The following STK32B variants were observed in gnomAD, a reference collection of about 807,000 sequenced individuals.
The protein encoded by STK32B is serine/threonine-protein kinase 32B.
STK32B carries 43 observed loss-of-function variants against 52.6 expected under a neutral mutation model. The observed-to-expected ratio is 0.82, with a 90% CI of 0.64 to 1.05. STK32B has a LOEUF of 1.05. STK32B is among the 50% of genes least tolerant of loss of function. The pLI is 0.00. For missense variants in STK32B, 621 were observed against 534.6 expected (o/e 1.16, Z -1.59); for synonymous variants, 238 against 204.3 (o/e 1.17, Z -1.41).
At chr4:5,369,568 T>C (rs542784806) in intron 4 of STK32B, among the ~76,000 whole-genome samples, 1 of 152,274 alleles carries the variant, frequency 6.6e-6, no homozygotes, top group Non-Finnish European at 1.5e-5. Context: ...CTCTCTTGGC[T>C]TCAGAAGGTG....
At chr4:5,113,228 C>G (rs1275988991) in intron 1 of STK32B, among the ~76,000 whole-genome samples, 3 of 152,160 alleles carry the variant, frequency 2.0e-5, no homozygotes, top group African/African-American at 4.8e-5. Context: ...GACCCCTCGT[C>G]TCTTTCACCA....
intron 3 of STK32B, among the ~76,000 whole-genome samples, chr4:5,173,596 C>G (rs1490242958): frequency 6.6e-6 from 1 of 152,120 alleles, no homozygotes; most frequent in East Asian, 1.9e-4. Flanking sequence ...TGTTAAGTTT[C>G]CATGTAGTTG....
intron 1 of STK32B, 183 bp from the exon 2 acceptor site, chr4:5,139,722 G>A (rs1019468555): frequency 1.1e-5 from 7 of 611,414 alleles, no homozygotes; most frequent in East Asian, 2.8e-5. Context: ...TGTGTGCTGG[G>A]GAAAAAATGG....
chr4:5,309,325 C>T (rs956685107), intron 3 of STK32B, among the ~76,000 whole-genome samples: 1 of 151,610 alleles, frequency 6.6e-6, no homozygotes, highest in African/African-American at 2.4e-5. Flanking sequence ...CAAAAAGTGA[C>T]CTACAATGGA....
chr4:5,346,679 T>C (rs1733478160), intron 4 of STK32B, among the ~76,000 whole-genome samples: 1 of 152,196 alleles, frequency 6.6e-6, no homozygotes, highest in Non-Finnish European at 1.5e-5. Flanking sequence ...CTGGACATGA[T>C]TTTGCTACTC....
At position 5,278,055 on chromosome 4, in the gene STK32B, T is replaced by G. The variant is rs146120004; in HGVS notation, c.261-53165T>G. On this transcript the variant is annotated intron_variant, in intron 3 of 11. Coordinates refer to ENST00000282908, the MANE Select transcript of STK32B (RefSeq NM_018401.3). ...ATCAAGAAGCCACACTTTGTTGTAC[T>G]TATCATTGGCAGATGAGGTGACTCA... 3.4e-3 allele frequency among the ~76,000 whole-genome samples: 523 copies of G among 152,314 alleles called. 1 individual carries two copies. The highest frequency in any genetic ancestry group is 0.012 in the African/African-American group (502 of 41,576).
chr4:5,086,617 G>T (rs1712746762), intron 1 of STK32B, among the ~76,000 whole-genome samples: 1 of 152,112 alleles, frequency 6.6e-6, no homozygotes, highest in African/African-American at 2.4e-5. Flanking sequence ...AAGAAGCTCA[G>T]TGAATCCCTA....
At chr4:5,442,354 T>C (rs1714867751) in intron 6 of STK32B, among the ~76,000 whole-genome samples, 1 of 152,212 alleles carries the variant, frequency 6.6e-6, no homozygotes. Context: ...TTTACCATTA[T>C]GTAATGGTCT....
At chr4:5,188,410 T>C (rs1356927545) in intron 3 of STK32B, among the ~76,000 whole-genome samples, 1 of 152,148 alleles carries the variant, frequency 6.6e-6, no homozygotes, top group Non-Finnish European at 1.5e-5. Context: ...ACATGGCAGC[T>C]CCCCATGGTT....
At chr4:5,174,409 C>T (rs1382836425) in intron 3 of STK32B, among the ~76,000 whole-genome samples, 1 of 152,164 alleles carries the variant, frequency 6.6e-6, no homozygotes, top group East Asian at 1.9e-4. Context: ...ATGGTCTTTA[C>T]AATTTGGCAT....
At chr4:5,074,332 A>C (rs1711957399) in intron 1 of STK32B, among the ~76,000 whole-genome samples, 1 of 151,972 alleles carries the variant, frequency 6.6e-6, no homozygotes, top group Admixed American at 6.6e-5. Context: ...TGAATTTTAA[A>C]ATTTGAGATA....
intron 3 of STK32B, among the ~76,000 whole-genome samples, chr4:5,237,166 G>C (rs1289122627): frequency 6.6e-6 from 1 of 152,194 alleles, no homozygotes; most frequent in East Asian, 1.9e-4. Context: ...ACCCCTGAAA[G>C]TCCTGAAAAG....
At chr4:5,217,399 G>A (rs1369801207) in intron 3 of STK32B, among the ~76,000 whole-genome samples, 1 of 152,168 alleles carries the variant, frequency 6.6e-6, no homozygotes, top group Non-Finnish European at 1.5e-5. Flanking sequence ...GGTGGGGGAG[G>A]ATGCATTAAA....
intron 4 of STK32B, among the ~76,000 whole-genome samples, chr4:5,362,343 C>G (rs1395677336): frequency 2.6e-5 from 4 of 152,184 alleles, no homozygotes; most frequent in African/African-American, 7.2e-5. Context: ...AATTCTTCCT[C>G]TCCCATTCCA....
At chr4:5,483,654 TTTCTAG>T (rs1718909031) in intron 11 of STK32B, among the ~76,000 whole-genome samples, 1 of 152,186 alleles carries the variant, frequency 6.6e-6, no homozygotes, top group African/African-American at 2.4e-5. Context: ...TGCTCTTGCT[TTTCTAG>T]TTCTTTTAAT....
At chr4:5,491,921 G>C (rs946133633) in intron 11 of STK32B, among the ~76,000 whole-genome samples, 31 of 152,250 alleles carry the variant, frequency 2.0e-4, no homozygotes, top group African/African-American at 6.7e-4. Flanking sequence ...GGGCTCTGTT[G>C]TGTTCCATTG....
intron 3 of STK32B, among the ~76,000 whole-genome samples, chr4:5,293,088 A>G (rs1728987696): frequency 1.3e-5 from 2 of 152,078 alleles, no homozygotes; most frequent in Admixed American, 1.3e-4. Context: ...GATAGTTTCC[A>G]GCTTCATCCG....
chr4:5,024,565 G>A, the STK32B span, among the ~76,000 whole-genome samples: 3 of 152,176 alleles, frequency 2.0e-5, no homozygotes, highest in African/African-American at 7.2e-5. Context: ...GAGAAGTAGG[G>A]TCTCCCTTGT....
intron 2 of STK32B, among the ~76,000 whole-genome samples, chr4:5,166,273 G>T (rs943825753): frequency 6.6e-5 from 10 of 151,810 alleles, no homozygotes; most frequent in African/African-American, 2.4e-4. Flanking sequence ...GAGGCAGAGA[G>T]CCTGGGTTTG....
Sources: gnomAD v4.1 joint callset for allele counts (sites outside exome capture counted in the v4.1 genomes callset) on GRCh38, gnomAD v4.1.1 for gene constraint, MANE v1.5 for transcripts, NCBI Gene and HGNC (gene_info 2026-07-23, HGNC 2026-07-21) for gene names.